The following CFAP20DC variants were observed in gnomAD, a reference collection of about 807,000 sequenced individuals.
CFAP20DC encodes protein CFAP20DC.
Under a neutral mutation model 101.7 loss-of-function variants are expected in CFAP20DC, and 84 were observed. The observed-to-expected ratio is 0.83, with a 90% confidence interval of 0.69 to 0.99. CFAP20DC has a LOEUF of 0.99. Among genes scored for constraint, CFAP20DC ranks in the 50% least tolerant of loss-of-function variants. The pLI is 0.00. For missense variants in CFAP20DC, 1,007 were observed against 970.3 expected (o/e 1.04, Z -0.50); for synonymous variants, 359 against 351.2 (o/e 1.02, Z -0.25).
downstream of CFAP20DC, chr3:58,741,911 T>A (rs1257464108): frequency 9.2e-6 from 2 of 216,350 alleles, no homozygotes; most frequent in Non-Finnish European, 1.6e-5. Context: ...CAGTTCACAA[T>A]GTTTCTTTTT....
chr3:59,030,237 A>G (rs528595744), intron 4 of CFAP20DC, among the ~76,000 whole-genome samples: 159 of 152,360 alleles, frequency 1.0e-3, no homozygotes, highest in African/African-American at 3.7e-3. Flanking sequence ...AAACATAGTA[A>G]AACACTGAGG....
chr3:58,977,519 C>T (rs1412910302), intron 4 of CFAP20DC, among the ~76,000 whole-genome samples: 1 of 152,108 alleles, frequency 6.6e-6, no homozygotes, highest in Non-Finnish European at 1.5e-5. Context: ...AGCCAGGAAG[C>T]TATAGTGCAT....
chr3:59,015,312 GA>G lies in CFAP20DC; in HGVS notation c.278+24244del, dbSNP rs2093666071. Reference sequence around the variant, plus strand: ...AGGAGTAGAAGTGAGAGAAGGAAGAGAAGCAGCTGGAGAGTGATAAGAAATG... The same window carrying G: ...AGGAGTAGAAGTGAGAGAAGGAAGAGAGCAGCTGGAGAGTGATAAGAAATG... On this transcript the variant is annotated intron_variant, in intron 4 of 16. Transcript: ENST00000482387. The surrounding 1 kb of genome is among the most constrained non-coding windows in gnomAD (Gnocchi z 5.4). Among the ~76,000 whole-genome samples, 1 of 151,984 alleles carries G rather than the reference GA, an allele frequency of 6.6e-6. No homozygotes were observed. The highest frequency in any genetic ancestry group is 2.4e-5 in the African/African-American group (1 of 41,394).
chr3:58,895,818 T>C (rs1033628296), intron 6 of CFAP20DC, among the ~76,000 whole-genome samples: 39 of 152,176 alleles, frequency 2.6e-4, no homozygotes, highest in East Asian at 1.2e-3. Context: ...CTCAGAATCA[T>C]GGTGAAAGGC....
At chr3:59,017,829 T>TC (rs1359705773) in intron 4 of CFAP20DC, 2 of 152,112 alleles carry the variant, frequency 1.3e-5, no homozygotes. Flanking sequence ...ATTCGGCAGC[T>TC]CAAAGCTGTC....
chr3:58,922,964 T>C (rs1431609000), intron 5 of CFAP20DC, among the ~76,000 whole-genome samples: 1 of 152,198 alleles, frequency 6.6e-6, no homozygotes, highest in Non-Finnish European at 1.5e-5. Flanking sequence ...TGTGTCATTG[T>C]CATATATTTT....
chr3:58,944,235 A>G (rs1407724391), intron 4 of CFAP20DC, among the ~76,000 whole-genome samples: 1 of 152,180 alleles, frequency 6.6e-6, no homozygotes, highest in Non-Finnish European at 1.5e-5. Context: ...CACCACAAAG[A>G]TACTCCTCGA....
chr3:58,933,039 G>C (rs1417863921), intron 5 of CFAP20DC, among the ~76,000 whole-genome samples: 1 of 152,152 alleles, frequency 6.6e-6, no homozygotes, highest in Non-Finnish European at 1.5e-5. Context: ...CTCACGTGCA[G>C]AGACACACAT....
chr3:58,779,397 A>G (rs902831721), intron 15 of CFAP20DC, among the ~76,000 whole-genome samples: 5 of 152,196 alleles, frequency 3.3e-5, no homozygotes, highest in Admixed American at 1.3e-4. Context: ...ACTTTAAGCA[A>G]AACACTAAAA....
intron 4 of CFAP20DC, among the ~76,000 whole-genome samples, chr3:58,989,153 T>C (rs965668099): frequency 1.3e-5 from 2 of 152,116 alleles, no homozygotes; most frequent in Non-Finnish European, 1.5e-5. Flanking sequence ...GTGCCTTTTT[T>C]TCTTTTAGAG....
At chr3:58,796,423 C>T (rs2073247572) in intron 15 of CFAP20DC, among the ~76,000 whole-genome samples, 2 of 152,270 alleles carry the variant, frequency 1.3e-5, no homozygotes, top group South Asian at 4.2e-4. Flanking sequence ...TTCTCTGGGG[C>T]AGGCAGGGTT....
At position 58,892,469 on chromosome 3, in the gene CFAP20DC, T is replaced by C. The variant is rs2082330067; in HGVS notation, c.551-7760A>G. On this transcript the variant is annotated intron_variant, in intron 6 of 16. Coordinates refer to ENST00000482387, the MANE Select transcript of CFAP20DC (RefSeq NM_001394063.1). The surrounding 1 kb of genome is among the most constrained non-coding windows in gnomAD (Gnocchi z 4.0). ...TATTGATTCTTCCTATCCATGAGCA[T>C]GGAATGTTTTTCCATTTGTTTGTGT... is the stretch of plus-strand genomic sequence containing the variant. Among the ~76,000 whole-genome samples, 1 of 152,252 alleles carries C rather than the reference T, an allele frequency of 6.6e-6. No individual in the cohort carries two copies. The highest frequency in any genetic ancestry group is 1.5e-5 in the Non-Finnish European group (1 of 68,044).
chr3:58,849,137 T>C lies in CFAP20DC; in HGVS notation c.1866A>G (p.Val622=). ...CGSCQKTPEP[V]IKAKDLSAQQ... ...GGGCTGATAGATCCTTCGCTTTGAT[T>C]ACGGGCTCTGGAGTTTTCTGACAGG... Residue 622 remains valine (V), a synonymous_variant, in exon 13 of 17, where the codon GTA becomes GTG. Transcript: ENST00000482387. 2 of 1,536,102 alleles carry C rather than the reference T, an allele frequency of 1.3e-6. No individual in the cohort carries two copies. Among genetic ancestry groups the C allele is most frequent in the Non-Finnish European group, 1.7e-6 (2 of 1,146,908 alleles).
At chr3:58,744,962 T>A (rs938528994) in intron 16 of CFAP20DC, among the ~76,000 whole-genome samples, 3 of 152,204 alleles carry the variant, frequency 2.0e-5, no homozygotes, top group Admixed American at 6.5e-5. Context: ...GACTCTGGGC[T>A]GCAGCAGTTT....
chr3:58,790,227 C>T (rs891311311), intron 15 of CFAP20DC, among the ~76,000 whole-genome samples: 1 of 152,148 alleles, frequency 6.6e-6, no homozygotes, highest in Non-Finnish European at 1.5e-5. Context: ...CTTCTAATAC[C>T]CATGGCTCAG....
intron 5 of CFAP20DC, among the ~76,000 whole-genome samples, chr3:58,932,910 T>C (rs1196577401): frequency 6.6e-6 from 1 of 152,156 alleles, no homozygotes; most frequent in Non-Finnish European, 1.5e-5. Context: ...CAGGATCAAA[T>C]TCAGACATAA....
At position 58,742,968 on chromosome 3, in the gene CFAP20DC, G is replaced by C. The variant is rs2067960976; in HGVS notation, c.2333-396C>G. Among the ~76,000 whole-genome samples the C allele has an allele frequency of 2.0e-5, 3 of 152,154 alleles. No homozygotes were observed. The South Asian group carries it at 6.2e-4, about 32-fold the overall frequency. ...CCAGAGCTGTACAAAATGCAAAACA[G>C]TGCAAACTAACTAATAAAATAGAAA... On this transcript the variant is annotated intron_variant, in intron 16 of 16. Transcript: ENST00000482387.
At chr3:58,981,036 A>G (rs2092517858) in intron 4 of CFAP20DC, among the ~76,000 whole-genome samples, 1 of 152,188 alleles carries the variant, frequency 6.6e-6, no homozygotes, top group Non-Finnish European at 1.5e-5. Flanking sequence ...ATGTGCAAAA[A>G]TCACAAGCAT....
chr3:58,844,695 T>C (rs1348043026), intron 13 of CFAP20DC, among the ~76,000 whole-genome samples: 11 of 128,814 alleles, frequency 8.5e-5, no homozygotes, highest in Non-Finnish European at 1.7e-4. Flanking sequence ...CCACCCCAAA[T>C]CAACAGAATA....
Sources: gnomAD v4.1 joint callset for allele counts (sites outside exome capture counted in the v4.1 genomes callset) on GRCh38, gnomAD v4.1.1 for gene constraint, Gnocchi (gnomAD v3.1) non-coding constraint, MANE v1.5 for transcripts, NCBI Gene and HGNC (gene_info 2026-07-23, HGNC 2026-07-21) for gene names.